MAPT: variants seen among roughly 807,000 people sequenced by gnomAD.
The protein encoded by MAPT is microtubule associated protein tau, also known as microtubule-associated protein tau.
A neutral mutation model predicts 67.9 loss-of-function variants in MAPT; 34 were observed. That is an observed-to-expected ratio of 0.50 (90% CI 0.38 to 0.67). The LOEUF (loss-of-function observed/expected upper bound fraction) is 0.67, where lower values mean the gene tolerates loss of function less well. MAPT is among the 30% of genes least tolerant of loss of function. MAPT has a pLI of 0.00. For synonymous variants in MAPT, 456 were observed against 464.5 expected, an observed-to-expected ratio of 0.98 and a Z score of 0.23; for missense variants, 881 against 1,115.2, an observed-to-expected ratio of 0.79 and a Z score of 2.99.
chr17:45,982,841 T>C (rs2073107733), intron 4 of MAPT, 25 bp from the exon 5 acceptor site: 1 of 1,239,288 alleles, frequency 8.1e-7, no homozygotes, highest in Non-Finnish European at 1.0e-6. Context: ...GCTAACCTTT[T>C]GCTATCGCTG....
intron 1 of MAPT, among the ~76,000 whole-genome samples, chr17:45,904,368 A>T (rs375509020): frequency 9.1e-5 from 7 of 76,800 alleles, no homozygotes; most frequent in Non-Finnish European, 1.5e-4. Context: ...ATATATATTA[A>T]ATATATTTTA....
At position 45,927,589 on chromosome 17, in the gene MAPT, G is replaced by C. The variant is rs185561326; in HGVS notation, c.-18+32903G>C. Among the ~76,000 whole-genome samples, 54 of 152,166 alleles carry C rather than the reference G, an allele frequency of 3.5e-4. No homozygotes were observed. The East Asian group carries it at 8.7e-3, about 24-fold the overall frequency. On this transcript the variant is annotated intron_variant, in intron 1 of 12. Transcript: ENST00000262410. Reference sequence around the variant, plus strand: ...CTTAGCTTTTTCTTTTCCCTCTCCTGTCTTCTTTGCCAGCATGTAGAAAGT... The same window carrying C: ...CTTAGCTTTTTCTTTTCCCTCTCCTCTCTTCTTTGCCAGCATGTAGAAAGT...
chr17:45,979,857 A>T (rs1313012329), intron 4 of MAPT: 1 of 152,206 alleles, frequency 6.6e-6, no homozygotes, highest in Admixed American at 6.5e-5. Context: ...AGCCCAGGTC[A>T]CCGTCTTTGC....
At chr17:45,965,198 A>G (rs981335580) in intron 2 of MAPT, among the ~76,000 whole-genome samples, 6 of 151,850 alleles carry the variant, frequency 4.0e-5, no homozygotes, top group Non-Finnish European at 7.4e-5. Flanking sequence ...TTGGGAGGCT[A>G]AGGTGGGCAG....
chr17:45,903,378 C>G (rs2063743886), intron 1 of MAPT, among the ~76,000 whole-genome samples: 1 of 152,044 alleles, frequency 6.6e-6, no homozygotes, highest in Non-Finnish European at 1.5e-5. Context: ...TCATCCCCCT[C>G]CCATGGCCTG....
intron 1 of MAPT, among the ~76,000 whole-genome samples, chr17:45,900,140 T>C (rs2063520932): frequency 6.6e-6 from 1 of 152,206 alleles, no homozygotes; most frequent in Admixed American, 6.5e-5. Flanking sequence ...AAGAATCTTT[T>C]GGCAAAGATG....
intron 1 of MAPT, among the ~76,000 whole-genome samples, chr17:45,956,583 T>C (rs1419327233): frequency 7.6e-5 from 2 of 26,216 alleles, no homozygotes; most frequent in African/African-American, 2.1e-4. Flanking sequence ...TATATATATA[T>C]ATATATATAT....
In MAPT at chr17:46,024,960, G is replaced by A. The variant is rs1281116095; in HGVS notation, c.*789G>A. The A allele has an allele frequency of 6.5e-6, 1 of 153,314 alleles. No individual in the cohort carries two copies. The highest frequency in any genetic ancestry group is 1.5e-5 in the Non-Finnish European group (1 of 68,892). The allele number at this position is 153,314 out of a possible 1,614,324, so 9.5% of individuals were successfully genotyped here. A position where few individuals can be genotyped will look rare whatever the true frequency, so the allele number is the denominator to read the frequency against. On this transcript the variant is annotated 3_prime_UTR_variant, in exon 13 of 13. Transcript: ENST00000262410. ...AGCGGGTAAAAAGAGAAGGCAAGCT[G>A]GCAGGAGGGTGGCACTTCGTGGATG...
chr17:46,004,950 A>T (rs1160748292), intron 9 of MAPT, among the ~76,000 whole-genome samples: 1 of 151,844 alleles, frequency 6.6e-6, no homozygotes, highest in Non-Finnish European at 1.5e-5. Flanking sequence ...CACCTGGCTA[A>T]TTTTTTTGTA....
intron 1 of MAPT, among the ~76,000 whole-genome samples, chr17:45,904,887 C>T (rs1346310724): frequency 1.3e-5 from 2 of 152,080 alleles, no homozygotes; most frequent in African/African-American, 4.8e-5. Context: ...GCAAATAAAA[C>T]TGTTGTCTAT....
intron 12 of MAPT, among the ~76,000 whole-genome samples, chr17:46,022,921 A>AGATG (rs1237502919): frequency 3.9e-5 from 6 of 152,210 alleles, no homozygotes; most frequent in African/African-American, 1.4e-4. Context: ...ATAGATAAAT[A>AGATG]GATGGATAGA....
intron 1 of MAPT, among the ~76,000 whole-genome samples, chr17:45,949,457 G>A (rs2068843121): frequency 6.6e-6 from 1 of 152,242 alleles, no homozygotes; most frequent in South Asian, 2.1e-4. Flanking sequence ...GGGTTGCTCT[G>A]TTGGGAAGGC....
intron 1 of MAPT, among the ~76,000 whole-genome samples, chr17:45,922,656 A>G (rs1388603588): frequency 6.6e-6 from 1 of 152,224 alleles, no homozygotes; most frequent in Non-Finnish European, 1.5e-5. Context: ...TCCTCTCTCC[A>G]GCATTGGTTG....
chr17:45,985,733 A>G, intron 5 of MAPT: 1 of 985,424 alleles, frequency 1.0e-6, no homozygotes, highest in Non-Finnish European at 1.2e-6. Context: ...ATGTGGGCAA[A>G]ACAAAGAACA....
intron 6 of MAPT, among the ~76,000 whole-genome samples, chr17:45,989,044 G>C (rs368010467): frequency 4.8e-4 from 73 of 151,940 alleles, no homozygotes; most frequent in Admixed American, 1.7e-3. Flanking sequence ...TTCCAACTTG[G>C]GGGGGGCACA....
intron 1 of MAPT, among the ~76,000 whole-genome samples, chr17:45,924,659 A>G (rs2066097506): frequency 6.6e-6 from 1 of 152,142 alleles, no homozygotes; most frequent in Admixed American, 6.5e-5. Context: ...ATAGCCGCCC[A>G]TCTCAGTCAA....
chr17:45,904,321 AATATATATTATATATTAT>A (rs1478300835), intron 1 of MAPT, among the ~76,000 whole-genome samples: 29 of 32,660 alleles, frequency 8.9e-4, no homozygotes, highest in African/African-American at 1.8e-3. Flanking sequence ...AAACATATAT[AATATATATTATATATTAT>A]ATATATATTA....
chr17:45,904,287 ATG>A (rs1306614248), intron 1 of MAPT, among the ~76,000 whole-genome samples: 35 of 46,574 alleles, frequency 7.5e-4, no homozygotes, highest in Admixed American at 2.9e-3. Flanking sequence ...TATATATAAT[ATG>A]TATAATATAT....
intron 1 of MAPT, among the ~76,000 whole-genome samples, chr17:45,955,744 T>C (rs933093878): frequency 3.9e-5 from 6 of 152,082 alleles, no homozygotes; most frequent in African/African-American, 1.4e-4. Flanking sequence ...TTTTTTTTCT[T>C]TTTCCTTTTT....
Sources: allele counts gnomAD v4.1 joint callset (sites outside exome capture counted in the v4.1 genomes callset), GRCh38; gene constraint gnomAD v4.1.1; transcripts MANE v1.5; gene names NCBI Gene and HGNC (gene_info 2026-07-23, HGNC 2026-07-21).